AGL: variants seen among roughly 807,000 people sequenced by gnomAD.
The protein encoded by AGL is amylo-alpha-1,6-glucosidase and 4-alpha-glucanotransferase, also known as glycogen debranching enzyme.
AGL carries 128 observed loss-of-function variants against 199.3 expected under a neutral mutation model. The ratio of observed to expected loss-of-function variants is 0.64; its 90% CI spans 0.56 to 0.74. The LOEUF (loss-of-function observed/expected upper bound fraction) is 0.74. Among genes scored for constraint, AGL ranks in the 30% least tolerant of loss-of-function variants. AGL has a pLI of 0.00. For synonymous variants in AGL, 584 were observed against 594.7 expected, an observed-to-expected ratio of 0.98 and a Z score of 0.26; for missense variants, 1,809 against 1,820.8, an observed-to-expected ratio of 0.99 and a Z score of 0.12.
intron 7 of AGL, among the ~76,000 whole-genome samples, chr1:99,873,037 A>AT (rs1301237258): frequency 1.4e-5 from 2 of 145,860 alleles, no homozygotes; most frequent in South Asian, 2.1e-4. Context: ...TTATGGTGAC[A>AT]TTTTTTTTCA....
intron 20 of AGL, among the ~76,000 whole-genome samples, chr1:99,885,511 A>G (rs1652389959): frequency 6.6e-6 from 1 of 152,144 alleles, no homozygotes; most frequent in Non-Finnish European, 1.5e-5. Flanking sequence ...CCTGTTAGGA[A>G]CCAGGCCGCA....
chr1:99,916,672 T>C lies in AGL; in HGVS notation c.4422T>C (p.Thr1474=). 1 of 1,613,322 alleles carries C rather than the reference T, an allele frequency of 6.2e-7. No individual in the cohort carries two copies. Among genetic ancestry groups the C allele is most frequent in the Non-Finnish European group, 8.5e-7 (1 of 1,179,502 alleles). The change falls in exon 33 of 34, where the codon ACT becomes ACC. Residue 1474 remains threonine (T), a synonymous_variant. Coordinates refer to ENST00000361915, the MANE Select transcript of AGL (RefSeq NM_000642.3). ...CCAGATTGATGGGCCCGGAGACTAC[T>C]GCAAAGACTATAGTTTTGGTTAAAA... is the stretch of plus-strand genomic sequence containing the variant. ...YFSRLMGPET[T]AKTIVLVKNV...
At chr1:99,902,502 T>G (rs1255847852) in intron 26 of AGL, among the ~76,000 whole-genome samples, 181 bp from the exon 27 acceptor site, 1 of 152,272 alleles carries the variant, frequency 6.6e-6, no homozygotes, top group Non-Finnish European at 1.5e-5. Context: ...TGTTAAATAT[T>G]TGTATGCTCG....
rs200632208 is a variant in AGL, at chr1:99,905,378, G to GT, written c.3700+2586dup. 9.6e-3 allele frequency among the ~76,000 whole-genome samples: 1,061 copies of GT among 110,572 alleles called. 6 individuals carry two copies. Among genetic ancestry groups the GT allele is most frequent in the African/African-American group, 0.033 (1,019 of 30,562 alleles). 72.5% of individuals were successfully genotyped at this position (110,572 alleles called of 152,430 possible). A position where few individuals can be genotyped will look rare whatever the true frequency, so the allele number is the denominator to read the frequency against. On this transcript the variant is annotated intron_variant, in intron 27 of 33. Transcript: ENST00000361915. ...AACTAGCTAATTTTTTGTATTTGTT[G>GT]TTGTTGTTGTTGTTGTTGTTGTTGT...
chr1:99,900,578 G>A, intron 25 of AGL, 58 bp from the exon 26 acceptor site: 2 of 1,504,320 alleles, frequency 1.3e-6, no homozygotes, highest in East Asian at 4.5e-5. Flanking sequence ...ACTGGTTTTT[G>A]TCTTCAATTT....
intron 26 of AGL, among the ~76,000 whole-genome samples, chr1:99,901,358 C>T (rs1307943125): frequency 1.9e-5 from 2 of 103,386 alleles, no homozygotes; most frequent in Non-Finnish European, 3.7e-5. Context: ...CCAGCCTAGG[C>T]AACATAGCAA....
rs1655584912 is a variant in AGL, at chr1:99,922,583, A to G, written c.*932A>G. The G allele has an allele frequency of 6.6e-6, 1 of 151,928 alleles. No individual in the cohort carries two copies. The highest frequency in any genetic ancestry group is 4.2e-3 in the Middle Eastern group (1 of 238). The allele number at this position is 151,928 out of a possible 1,614,324, so 9.4% of individuals were successfully genotyped here. On this transcript the variant is annotated 3_prime_UTR_variant, in exon 34 of 34. Transcript: ENST00000361915. Reference sequence around the variant, plus strand: ...GGATATGAATTCAGTAGATATCTTAAATTCAATAAAATCACTGGAAGTTTT... The same window carrying G: ...GGATATGAATTCAGTAGATATCTTAGATTCAATAAAATCACTGGAAGTTTT...
Position 99,923,077 on chromosome 1 carries a change from C to T in AGL, c.*1426C>T, listed in dbSNP as rs552612488. ...TCTGCCTGCTCTTCTTCAAAGCTGA[C>T]CTTGCTTTAGAAATAGTTTTAACTA... is the stretch of plus-strand genomic sequence containing the variant. On this transcript the variant is annotated 3_prime_UTR_variant, in exon 34 of 34. Transcript: ENST00000361915. 5 of 152,080 alleles carry T rather than the reference C, an allele frequency of 3.3e-5. No homozygotes were observed. Among genetic ancestry groups the T allele is most frequent in the Admixed American group, 6.6e-5 (1 of 15,256 alleles). 9.4% of individuals were successfully genotyped at this position (152,080 alleles called of 1,614,324 possible).
At chr1:99,916,994 G>C (rs1000243388) in intron 33 of AGL, among the ~76,000 whole-genome samples, 1 of 152,060 alleles carries the variant, frequency 6.6e-6, no homozygotes, top group African/African-American at 2.4e-5. Context: ...AAATTTCCCT[G>C]ATGTTTTTGG....
intron 4 of AGL, among the ~76,000 whole-genome samples, 183 bp downstream of exon 4, chr1:99,862,606 A>G (rs112075551): frequency 6.6e-6 from 1 of 152,318 alleles, no homozygotes; most frequent in African/African-American, 2.4e-5. Context: ...TACAGGAAGC[A>G]TGGCTGGGGA....
chr1:99,879,229 A>T (rs1651809871), intron 12 of AGL, among the ~76,000 whole-genome samples: 1 of 152,212 alleles, frequency 6.6e-6, no homozygotes. Context: ...ATTCACCAGC[A>T]GGGAATTTAT....
chr1:99,908,182 T>G (rs940354882), intron 27 of AGL, among the ~76,000 whole-genome samples: 1 of 150,420 alleles, frequency 6.6e-6, no homozygotes, highest in African/African-American at 2.4e-5. Context: ...TTGAGTTAAT[T>G]TTTGCATATG....
Position 99,896,315 on chromosome 1 carries a change from C to T in AGL, c.3289C>T (p.Arg1097Cys), listed in dbSNP as rs768133891. The change falls in exon 25 of 34, where the codon CGC becomes TGC. Residue 1097 changes from arginine to cysteine, a missense_variant. By Grantham distance (180) the Arg-to-Cys change is radical. Coordinates refer to ENST00000361915, the MANE Select transcript of AGL (RefSeq NM_000642.3). ...ACCTCATTTTTCTTCTGGTATTTTCCGCTGCTGGGGAAGGGATACTTTTAT... is the reference window on the plus strand; with the variant it reads ...ACCTCATTTTTCTTCTGGTATTTTCTGCTGCTGGGGAAGGGATACTTTTAT... ...GLPHFSSGIF[R>C]CWGRDTFIAL... 4.2e-5 allele frequency: 68 copies of T among 1,613,502 alleles called. No homozygotes were observed. The highest frequency in any genetic ancestry group is 6.7e-5 in the East Asian group (3 of 44,838).
At chr1:99,887,836 T>G in intron 20 of AGL, 142 bp from the exon 21 acceptor site, 4 of 873,484 alleles carry the variant, frequency 4.6e-6, no homozygotes, top group Non-Finnish European at 7.1e-6. Flanking sequence ...AATGTATGAG[T>G]ATAATGTTTA....
At chr1:99,875,545 A>G in intron 10 of AGL, 90 bp downstream of exon 10, 1 of 1,067,132 alleles carries the variant, frequency 9.4e-7, no homozygotes, top group Non-Finnish European at 1.4e-6. Flanking sequence ...TTTCTTTAAC[A>G]TGTGAGTTCA....
chr1:99,873,036 C>T (rs1651157225), intron 7 of AGL, among the ~76,000 whole-genome samples: 1 of 151,914 alleles, frequency 6.6e-6, no homozygotes, highest in Non-Finnish European at 1.5e-5. Context: ...TTTATGGTGA[C>T]ATTTTTTTTC....
At chr1:99,911,058 C>T (rs936885557) in intron 28 of AGL, among the ~76,000 whole-genome samples, 2 of 152,224 alleles carry the variant, frequency 1.3e-5, no homozygotes, top group South Asian at 2.1e-4. Flanking sequence ...TGTAAGTGCT[C>T]GTGGGTTGAT....
At chr1:99,904,366 A>G (rs926994663) in intron 27 of AGL, among the ~76,000 whole-genome samples, 3 of 152,180 alleles carry the variant, frequency 2.0e-5, no homozygotes, top group Non-Finnish European at 4.4e-5. Context: ...GACTCACAAG[A>G]AGTTGAAAAA....
chr1:99,903,946 G>C (rs918524267), intron 27 of AGL, among the ~76,000 whole-genome samples: 1 of 152,078 alleles, frequency 6.6e-6, no homozygotes, highest in Non-Finnish European at 1.5e-5. Flanking sequence ...CCCACTTTTT[G>C]ATGGGGTTGT....
Sources: gnomAD v4.1 joint callset for allele counts (sites outside exome capture counted in the v4.1 genomes callset) on GRCh38, gnomAD v4.1.1 for gene constraint, MANE v1.5 for transcripts, NCBI Gene and HGNC (gene_info 2026-07-23, HGNC 2026-07-21) for gene names.